Variants in ALKAL1 observed in about 807,000 individuals in gnomAD.
ALKAL1 encodes the protein AUG-beta.
ALKAL1 carries 23 observed loss-of-function variants against 13.5 expected under a neutral mutation model. The observed-to-expected ratio is 1.70, with a 90% CI of 1.23 to 2.41. The LOEUF (loss-of-function observed/expected upper bound fraction) is 2.41, where lower values mean the gene tolerates loss of function less well. Ranked by LOEUF, ALKAL1 falls within the 30% of genes most tolerant of loss-of-function variation. ALKAL1 has a pLI of 0.00. For missense variants in ALKAL1, 181 were observed against 178.4 expected, an observed-to-expected ratio of 1.01 and a Z score of -0.08; for synonymous variants, 85 against 77.7, an observed-to-expected ratio of 1.09 and a Z score of -0.49.
At chr8:52,564,978 C>T in intron 1 of ALKAL1, 89 bp downstream of exon 1, 1 of 1,099,418 alleles carries the variant, frequency 9.1e-7, no homozygotes, top group Non-Finnish European at 1.2e-6. Context: ...TCTCAGGCTT[C>T]CCAAAGCGAG....
At chr8:52,542,328 C>G (rs1847322263) in intron 2 of ALKAL1, 64 bp downstream of exon 2, 6 of 1,082,552 alleles carry the variant, frequency 5.5e-6, no homozygotes, top group Non-Finnish European at 8.3e-6. Flanking sequence ...TAGTGCCTGA[C>G]ATAGTATTCT....
At chr8:52,549,555 A>C (rs372457039) in intron 1 of ALKAL1, among the ~76,000 whole-genome samples, 13 of 152,022 alleles carry the variant, frequency 8.6e-5, no homozygotes, top group East Asian at 7.7e-4. Context: ...CTTATTAACA[A>C]CACCAGTTGT....
chr8:52,538,435 T>C lies in ALKAL1; in HGVS notation c.*8A>G. ...GAAAAATAAATATATACTCACAGGG[T>C]AGTTTTGCTAGGTCTGGGAGCACAG... On this transcript the variant is annotated 3_prime_UTR_variant, in exon 4 of 5. Coordinates refer to ENST00000358543, the MANE Select transcript of ALKAL1 (RefSeq NM_207413.4). 1 of 1,561,276 alleles carries C rather than the reference T, an allele frequency of 6.4e-7. No homozygotes were observed. The highest frequency in any genetic ancestry group is 8.8e-7 in the Non-Finnish European group (1 of 1,133,840).
At chr8:52,537,771 C>T (rs1453406352) in intron 4 of ALKAL1, among the ~76,000 whole-genome samples, 1 of 151,128 alleles carries the variant, frequency 6.6e-6, no homozygotes, top group Admixed American at 6.6e-5. Context: ...AAAAAAAGCT[C>T]ATAGAAGTAG....
At chr8:52,554,943 G>A (rs531087291) in intron 1 of ALKAL1, among the ~76,000 whole-genome samples, 22 of 152,226 alleles carry the variant, frequency 1.4e-4, no homozygotes, top group African/African-American at 3.6e-4. Flanking sequence ...AGGCTGAGGC[G>A]GGCGGATCAC....
intron 4 of ALKAL1, 120 bp downstream of exon 4, chr8:52,538,311 G>A (rs572031058): frequency 1.4e-4 from 90 of 639,726 alleles, no homozygotes; most frequent in Non-Finnish European, 2.3e-4. Flanking sequence ...GTATCAAAAT[G>A]TAACACTGTA....
chr8:52,535,836 T>C (rs1287016165), intron 4 of ALKAL1, among the ~76,000 whole-genome samples: 2 of 152,176 alleles, frequency 1.3e-5, no homozygotes, highest in African/African-American at 2.4e-5. Context: ...AACTGTGAGA[T>C]AGTTTAAGTA....
intron 2 of ALKAL1, among the ~76,000 whole-genome samples, chr8:52,540,631 G>C (rs1847303878): frequency 6.6e-6 from 1 of 152,216 alleles, no homozygotes; most frequent in Admixed American, 6.5e-5. Context: ...AGTTACTCTA[G>C]AGCCTGAGGC....
At chr8:52,553,214 G>T (rs1049569656) in intron 1 of ALKAL1, among the ~76,000 whole-genome samples, 4 of 152,070 alleles carry the variant, frequency 2.6e-5, no homozygotes, top group African/African-American at 9.7e-5. Flanking sequence ...TGAGCATGGT[G>T]GTGCATGACT....
intron 1 of ALKAL1, among the ~76,000 whole-genome samples, chr8:52,556,102 AAACT>A (rs1468665346): frequency 2.6e-5 from 4 of 152,218 alleles, no homozygotes; most frequent in African/African-American, 9.6e-5. Context: ...TAACAATTTT[AAACT>A]AACTTTTTCT....
chr8:52,536,897 C>T (rs1847271010), intron 4 of ALKAL1, among the ~76,000 whole-genome samples: 1 of 152,180 alleles, frequency 6.6e-6, no homozygotes, highest in Non-Finnish European at 1.5e-5. Context: ...TTCATTAAAA[C>T]GGTCTTTTCA....
intron 1 of ALKAL1, among the ~76,000 whole-genome samples, chr8:52,558,134 A>ATATATATATACACGTATATATACACACG (rs1847503170): frequency 6.7e-6 from 1 of 149,242 alleles, no homozygotes; most frequent in Non-Finnish European, 1.5e-5. Flanking sequence ...TCTCTACTAC[A>ATATATATATACACGTATATATACACACG]TATATATATA....
At chr8:52,557,604 T>A (rs1481070581) in intron 1 of ALKAL1, among the ~76,000 whole-genome samples, 1 of 152,344 alleles carries the variant, frequency 6.6e-6, no homozygotes. Context: ...ATTTGCCTTA[T>A]GTTTACAGAG....
At chr8:52,554,178 C>T (rs553192180) in intron 1 of ALKAL1, among the ~76,000 whole-genome samples, 6 of 152,224 alleles carry the variant, frequency 3.9e-5, no homozygotes, top group Admixed American at 2.6e-4. Context: ...GAACCGAGAT[C>T]GCACCATTGC....
At chr8:52,553,331 G>C (rs562022584) in intron 1 of ALKAL1, among the ~76,000 whole-genome samples, 34 of 152,256 alleles carry the variant, frequency 2.2e-4, no homozygotes, top group Middle Eastern at 3.4e-3. Flanking sequence ...CTTGGTGACA[G>C]AGTGATACTC....
rs377638256 is a variant in ALKAL1, at chr8:52,565,056, G to C, written c.190+11C>G. 3.2e-4 allele frequency: 436 copies of C among 1,380,852 alleles called. No homozygotes were observed. The African/African-American group carries it at 6.3e-3, about 20-fold the overall frequency. 85.5% of individuals were successfully genotyped at this position (1,380,852 alleles called of 1,614,324 possible). On this transcript the variant is annotated intron_variant, in intron 1 of 4. Transcript: ENST00000358543. ...CAGGGCAAAGGATGGGGCGGGATGG[G>C]GACATCGTACCTGCGCTCCGGGAGC...
chr8:52,560,664 A>C (rs1847539036), intron 1 of ALKAL1, among the ~76,000 whole-genome samples: 2 of 152,188 alleles, frequency 1.3e-5, no homozygotes, highest in Non-Finnish European at 2.9e-5. Flanking sequence ...GAATTTCCTC[A>C]CTTAGCAGCT....
chr8:52,556,242 A>C (rs60039213), intron 1 of ALKAL1, among the ~76,000 whole-genome samples: 2,040 of 152,306 alleles, frequency 0.013, 49 homozygotes, highest in African/African-American at 0.046. Flanking sequence ...TGATTACCAT[A>C]TGTTAAAAAT....
intron 1 of ALKAL1, among the ~76,000 whole-genome samples, chr8:52,563,480 A>G (rs1179733180): frequency 2.0e-5 from 3 of 152,214 alleles, no homozygotes; most frequent in Non-Finnish European, 4.4e-5. Context: ...TCACTTCAGT[A>G]AGTCTTCACT....
Sources: gnomAD v4.1 joint callset for allele counts (sites outside exome capture counted in the v4.1 genomes callset) on GRCh38, gnomAD v4.1.1 for gene constraint, MANE v1.5 for transcripts, NCBI Gene and HGNC (gene_info 2026-07-23, HGNC 2026-07-21) for gene names.